CDYL: variants seen among roughly 807,000 people sequenced by gnomAD.
CDYL encodes the protein chromodomain Y-like protein.
In CDYL, 8 loss-of-function variants were observed where a neutral mutation model predicts 47.3. The observed-to-expected ratio is 0.17, with a 90% CI of 0.10 to 0.31. The LOEUF is 0.31. CDYL is among the 10% of genes least tolerant of loss of function. CDYL has a pLI of 1.00. For synonymous variants in CDYL, 266 were observed against 265.0 expected, an observed-to-expected ratio of 1.00 and a Z score of -0.04; for missense variants, 471 against 701.4, an observed-to-expected ratio of 0.67 and a Z score of 3.71.
rs574916950 is a variant in CDYL, at chr6:4,791,134, T to C, written c.24+14327T>C. ...TTCCAAAACCCAACATGAAGACTCA[T>C]ATACAGTGGCCAGCATTGACATTCC... On this transcript the variant is annotated intron_variant, in intron 1 of 6. Coordinates refer to ENST00000397588, the MANE Select transcript of CDYL (RefSeq NM_004824.4). Among the ~76,000 whole-genome samples the C allele has an allele frequency of 1.2e-4, 19 of 152,330 alleles. No homozygotes were observed. In the South Asian group the frequency reaches 3.9e-3, roughly 32 times the overall value.
intron 2 of CDYL, among the ~76,000 whole-genome samples, chr6:4,724,212 T>C (rs1365794712): frequency 6.8e-6 from 1 of 148,122 alleles, no homozygotes; most frequent in African/African-American, 2.6e-5. Context: ...AGCTAATTTT[T>C]GTATTTTTTT....
chr6:4,817,128 T>C (rs1031819544), intron 1 of CDYL, among the ~76,000 whole-genome samples: 12 of 152,188 alleles, frequency 7.9e-5, no homozygotes, highest in Non-Finnish European at 1.6e-4. Context: ...GGCATTGTAT[T>C]TTTTTGGTGG....
chr6:4,826,743 G>A (rs1159160397), intron 1 of CDYL, among the ~76,000 whole-genome samples: 1 of 152,170 alleles, frequency 6.6e-6, no homozygotes, highest in African/African-American at 2.4e-5. Flanking sequence ...TGTGAGACTT[G>A]TTATGAGGTC....
At chr6:4,737,614 T>G (rs1582297163) in intron 3 of CDYL, among the ~76,000 whole-genome samples, 1 of 147,666 alleles carries the variant, frequency 6.8e-6, no homozygotes, top group African/African-American at 2.5e-5. Flanking sequence ...GTTGCAAAAC[T>G]CCGTCTCAAA....
At chr6:4,765,569 T>G (rs1758239520) in intron 3 of CDYL, among the ~76,000 whole-genome samples, 1 of 141,600 alleles carries the variant, frequency 7.1e-6, no homozygotes, top group African/African-American at 2.6e-5. Flanking sequence ...TTGTTTCCCG[T>G]TTTTTTTTTT....
intron 1 of CDYL, among the ~76,000 whole-genome samples, chr6:4,837,737 A>C (rs1581202031): frequency 6.6e-6 from 1 of 150,990 alleles, no homozygotes; most frequent in Non-Finnish European, 1.5e-5. Flanking sequence ...TGCTGGGCTT[A>C]CAGGCACATG....
intron 1 of CDYL, among the ~76,000 whole-genome samples, chr6:4,798,783 T>C (rs1426464264): frequency 6.6e-6 from 1 of 152,238 alleles, no homozygotes; most frequent in Non-Finnish European, 1.5e-5. Context: ...AGTGAAGCTA[T>C]TGGGGACTAA....
Position 4,896,835 on chromosome 6 carries a change from C to T in CDYL, c.691+4456C>T, listed in dbSNP as rs1762297549. Among the ~76,000 whole-genome samples, 3 of 152,178 alleles carry T rather than the reference C, an allele frequency of 2.0e-5. No homozygotes were observed. The South Asian group carries it at 6.2e-4, about 31-fold the overall frequency. On this transcript the variant is annotated intron_variant, in intron 2 of 6. Coordinates refer to ENST00000397588, the MANE Select transcript of CDYL (RefSeq NM_004824.4). The stretch of plus-strand genomic sequence containing the variant: ...CATCATTCAAAACATTAATCATATA[C>T]TGAAGGAATATTTTTGCCACCAAAA...
chr6:4,895,642 C>T (rs929592170), intron 2 of CDYL, among the ~76,000 whole-genome samples: 12 of 151,928 alleles, frequency 7.9e-5, no homozygotes, highest in South Asian at 2.1e-4. Context: ...GTCCTTAACC[C>T]GCACGTCCAG....
intron 1 of CDYL, among the ~76,000 whole-genome samples, chr6:4,875,436 A>G (rs1050895121): frequency 6.6e-6 from 1 of 152,186 alleles, no homozygotes; most frequent in African/African-American, 2.4e-5. Context: ...TTATTTGTCA[A>G]CTTATAAATA....
chr6:4,733,658 C>G (rs1434333175), intron 2 of CDYL, among the ~76,000 whole-genome samples: 1 of 152,044 alleles, frequency 6.6e-6, no homozygotes, highest in Non-Finnish European at 1.5e-5. Context: ...ATTAAGACTC[C>G]ATCTCAGGTA....
At chr6:4,849,859 G>A (rs1760771641) in intron 1 of CDYL, among the ~76,000 whole-genome samples, 1 of 149,158 alleles carries the variant, frequency 6.7e-6, no homozygotes, top group African/African-American at 2.5e-5. Flanking sequence ...AGAAAACACA[G>A]TGTGTTTGAT....
intron 4 of CDYL, among the ~76,000 whole-genome samples, chr6:4,942,855 C>T (rs1758400483): frequency 6.6e-6 from 1 of 152,222 alleles, no homozygotes; most frequent in East Asian, 1.9e-4. Context: ...CCCTCCAGCC[C>T]TCAGTGGAGC....
At chr6:4,929,398 A>G (rs748251183) in intron 2 of CDYL, among the ~76,000 whole-genome samples, 9 of 150,864 alleles carry the variant, frequency 6.0e-5, no homozygotes, top group South Asian at 2.1e-4. Context: ...TGTATTTATC[A>G]TAGTTAGTAT....
At chr6:4,733,009 C>A (rs904078039) in intron 2 of CDYL, 2 of 152,326 alleles carry the variant, frequency 1.3e-5, no homozygotes, top group Non-Finnish European at 2.9e-5. Flanking sequence ...GCTTCAGCCA[C>A]CTAAGGCAGT....
intron 2 of CDYL, among the ~76,000 whole-genome samples, chr6:4,732,268 G>A (rs1757618716): frequency 6.6e-6 from 1 of 152,092 alleles, no homozygotes; most frequent in African/African-American, 2.4e-5. Context: ...CCCAGAGATT[G>A]CAAATGTAGT....
chr6:4,712,196 G>C (rs1245252580), intron 1 of CDYL, among the ~76,000 whole-genome samples: 1 of 152,222 alleles, frequency 6.6e-6, no homozygotes, highest in Admixed American at 6.5e-5. Context: ...AGCACCTCTT[G>C]AGTAGACAGG....
intron 1 of CDYL, among the ~76,000 whole-genome samples, chr6:4,780,316 T>C (rs1758577270): frequency 6.7e-6 from 1 of 148,588 alleles, no homozygotes; most frequent in Non-Finnish European, 1.5e-5. Flanking sequence ...CACTACAACC[T>C]CTGCCTCCCG....
intron 2 of CDYL, among the ~76,000 whole-genome samples, chr6:4,894,935 GTA>G (rs1269317328): frequency 5.2e-4 from 9 of 17,370 alleles, no homozygotes; most frequent in African/African-American, 5.1e-4. Flanking sequence ...ATGTATGTGT[GTA>G]TATGTGTATG....
Sources: allele counts gnomAD v4.1 joint callset (sites outside exome capture counted in the v4.1 genomes callset), GRCh38; gene constraint gnomAD v4.1.1; transcripts MANE v1.5; gene names NCBI Gene and HGNC (gene_info 2026-07-23, HGNC 2026-07-21).